LAMA1: variants seen among roughly 807,000 people sequenced by gnomAD.
The protein encoded by LAMA1 is laminin subunit alpha 1, also known as laminin subunit alpha-1.
In LAMA1, 219 loss-of-function variants were observed where a neutral mutation model predicts 348.7. That is an observed-to-expected ratio of 0.63 (90% CI 0.56 to 0.70). The LOEUF is 0.70. Among genes scored for constraint, LAMA1 ranks in the 30% least tolerant of loss-of-function variants. The pLI is 0.00. For synonymous variants in LAMA1, 1,487 were observed against 1,491.0 expected (o/e 1.00, Z 0.06); for missense variants, 3,744 against 3,888.0 (o/e 0.96, Z 0.99).
intron 1 of LAMA1, among the ~76,000 whole-genome samples, chr18:7,113,621 C>T (rs2058344226): frequency 6.6e-6 from 1 of 152,104 alleles, no homozygotes; most frequent in Admixed American, 6.6e-5. Flanking sequence ...GAGCGGTTAT[C>T]GAGATGGTGT....
At chr18:7,062,288 G>A (rs73376817) in intron 3 of LAMA1, among the ~76,000 whole-genome samples, 17,387 of 148,852 alleles carry the variant, frequency 0.12, 3,222 homozygotes, top group African/African-American at 0.39. Context: ...CTTCCCTGAA[G>A]GTAAGAGAAG....
chr18:7,011,259 T>C, intron 25 of LAMA1, 41 bp downstream of exon 25: 1 of 1,600,588 alleles, frequency 6.2e-7, no homozygotes, highest in Admixed American at 1.7e-5. Flanking sequence ...CTGTATATCC[T>C]AGGAAGCACC....
intron 62 of LAMA1, among the ~76,000 whole-genome samples, chr18:6,942,538 C>T (rs554537507): frequency 7.9e-5 from 12 of 151,958 alleles, no homozygotes; most frequent in Non-Finnish European, 1.5e-4. Flanking sequence ...CTCAGCCTCC[C>T]GAGTAGCTGG....
intron 62 of LAMA1, 29 bp downstream of exon 62, chr18:6,943,151 T>A: frequency 6.3e-7 from 1 of 1,589,270 alleles, no homozygotes; most frequent in East Asian, 2.2e-5. Context: ...GTGCCCCTTT[T>A]GAGTGGAAGA....
chr18:7,007,207 C>A lies in LAMA1; in HGVS notation c.4192G>T (p.Ala1398Ser). 6.2e-7 allele frequency: 1 copy of A among 1,614,134 alleles called. No homozygotes were observed. Among genetic ancestry groups the A allele is most frequent in the South Asian group, 1.1e-5 (1 of 91,074 alleles). Residue 1398 changes from alanine to serine, a missense_variant, in exon 29 of 63, where the codon GCT (alanine) becomes TCT (serine). Ala to Ser is a moderately conservative substitution (Grantham distance 99, BLOSUM62 1). Around this residue, in one of 3 missense-constraint regions of LAMA1, gnomAD observed 1,983 missense variants for 1,934.3 expected, o/e 1.03. Coordinates refer to ENST00000389658, the MANE Select transcript of LAMA1 (RefSeq NM_005559.4). Reference sequence around the variant, plus strand: ...TTGCAACTGCAGGGAACACAAGGAGCAACCAGAGGGCGTGGTCCCCTGTCA... The same window carrying A: ...TTGCAACTGCAGGGAACACAAGGAGAAACCAGAGGGCGTGGTCCCCTGTCA... ...GSDRGPRPLV[A>S]PCVPCSCNNH...
chr18:7,113,867 G>A (rs1367914033), intron 1 of LAMA1, among the ~76,000 whole-genome samples: 1 of 152,170 alleles, frequency 6.6e-6, no homozygotes, highest in East Asian at 1.9e-4. Context: ...ACCAGGTCAT[G>A]AGATCGAGAC....
At chr18:7,010,448 G>C (rs2057854648) in intron 25 of LAMA1, 63 bp from the exon 26 acceptor site, 1 of 1,415,566 alleles carries the variant, frequency 7.1e-7, no homozygotes, top group Non-Finnish European at 9.9e-7. Flanking sequence ...ACATTTTATT[G>C]CAAGACTGCC....
rs2057690823 is a variant in LAMA1 at position 6,978,074 on chromosome 18, C to T, written c.6190+122G>A. On this transcript the variant is annotated intron_variant, in intron 43 of 62. Coordinates refer to ENST00000389658, the MANE Select transcript of LAMA1 (RefSeq NM_005559.4). ...GGTCCTTCTCTTAATAAAGGCTAAT[C>T]CAGATGTTAGCATACTTCTACTTTT... 17 of 1,393,282 alleles carry T rather than the reference C, an allele frequency of 1.2e-5. No individual in the cohort carries two copies. The South Asian group carries it at 1.9e-4, about 15-fold the overall frequency. 86.3% of individuals were successfully genotyped at this position (1,393,282 alleles called of 1,614,324 possible).
intron 16 of LAMA1, among the ~76,000 whole-genome samples, chr18:7,026,940 G>A (rs2057946334): frequency 6.6e-6 from 1 of 150,962 alleles, no homozygotes. Flanking sequence ...CTTGTAGTCA[G>A]CTGAGATGGC....
Position 7,032,964 on chromosome 18 carries a change from C to G in LAMA1, c.2163+20G>C. 1 of 1,558,452 alleles carries G rather than the reference C, an allele frequency of 6.4e-7. No homozygotes were observed. Among genetic ancestry groups the G allele is most frequent in the Non-Finnish European group, 8.8e-7 (1 of 1,139,190 alleles). On this transcript the variant is annotated intron_variant, in intron 15 of 62. Transcript: ENST00000389658. ...TTAGGAAGGAACGAAAGGAAAAAGA[C>G]AGGAAGAGAGAAGCGTCACCTCACA...
At chr18:7,009,032 T>G (rs2057846421) in intron 27 of LAMA1, among the ~76,000 whole-genome samples, 1 of 152,234 alleles carries the variant, frequency 6.6e-6, no homozygotes, top group African/African-American at 2.4e-5. Flanking sequence ...TCCTTATATT[T>G]TATATCGACA....
At chr18:6,978,070 T>C (rs2057690770) in intron 43 of LAMA1, 126 bp downstream of exon 43, 5 of 1,384,726 alleles carry the variant, frequency 3.6e-6, no homozygotes, top group African/African-American at 1.4e-5. Flanking sequence ...TAATAAAGGC[T>C]AATCCAGATG....
intron 1 of LAMA1, among the ~76,000 whole-genome samples, chr18:7,107,189 G>A (rs1338547603): frequency 6.8e-6 from 1 of 147,892 alleles, no homozygotes; most frequent in East Asian, 2.0e-4. Flanking sequence ...CGTGATCCTG[G>A]CTCACTGCAA....
intron 14 of LAMA1, 132 bp downstream of exon 14, chr18:7,034,347 A>C: frequency 5.5e-6 from 4 of 725,050 alleles, no homozygotes; most frequent in Non-Finnish European, 9.7e-6. Flanking sequence ...AATTCTTAAG[A>C]CAGCCAGATC....
At chr18:6,968,178 A>C (rs997250227) in intron 48 of LAMA1, among the ~76,000 whole-genome samples, 5 of 152,116 alleles carry the variant, frequency 3.3e-5, no homozygotes, top group African/African-American at 1.2e-4. Context: ...CAGCCTTGGA[A>C]ATGCCACCAT....
chr18:7,102,854 T>C (rs1410820269), intron 1 of LAMA1, among the ~76,000 whole-genome samples: 1 of 152,156 alleles, frequency 6.6e-6, no homozygotes, highest in Admixed American at 6.5e-5. Context: ...TTTTGTTGAG[T>C]ATAATGTAAG....
chr18:7,108,368 T>A (rs1238613059), intron 1 of LAMA1, among the ~76,000 whole-genome samples: 1 of 147,376 alleles, frequency 6.8e-6, no homozygotes, highest in Non-Finnish European at 1.5e-5. Flanking sequence ...AAAAATAAAA[T>A]GCTAACTCCC....
At chr18:6,959,580 G>T in intron 53 of LAMA1, 88 bp from the exon 54 acceptor site, 2 of 1,399,854 alleles carry the variant, frequency 1.4e-6, no homozygotes, top group South Asian at 1.2e-5. Flanking sequence ...AACGTGAGAA[G>T]ATTAACATCA....
At chr18:6,956,595 G>T in intron 56 of LAMA1, 41 bp downstream of exon 56, 1 of 1,613,204 alleles carries the variant, frequency 6.2e-7, no homozygotes, top group African/African-American at 1.3e-5. Flanking sequence ...GCCCTCCTTT[G>T]CTGACTGGAC....
Sources: allele counts gnomAD v4.1 joint callset (sites outside exome capture counted in the v4.1 genomes callset), GRCh38; gene constraint gnomAD v4.1.1; regional missense constraint gnomAD v4.1.1; transcripts MANE v1.5; gene names NCBI Gene and HGNC (gene_info 2026-07-23, HGNC 2026-07-21).